The following HEMK2 variants were observed in gnomAD, a reference collection of about 807,000 sequenced individuals.
The protein encoded by HEMK2 is HemK methyltransferase 2, ETF1 glutamine and histone H4 lysine.
chr21:28,703,147 T>C, the HEMK2 span, among the ~76,000 whole-genome samples: 1 of 152,090 alleles, frequency 6.6e-6, no homozygotes, highest in Non-Finnish European at 1.5e-5. Flanking sequence ...CAACAGACAC[T>C]GGAGCCTACC....
the HEMK2 span, among the ~76,000 whole-genome samples, chr21:28,880,949 A>AAAAAAAG: frequency 7.2e-6 from 1 of 139,774 alleles, no homozygotes; most frequent in Non-Finnish European, 1.6e-5. Flanking sequence ...AAAAAAAAAA[A>AAAAAAAG]AAACCGGAAA....
At chr21:28,859,388 G>A in the HEMK2 span, among the ~76,000 whole-genome samples, 3 of 151,908 alleles carry the variant, frequency 2.0e-5, no homozygotes, top group African/African-American at 2.4e-5. Context: ...GTGCTTTGAC[G>A]TTTTCCCTGC....
At chr21:28,717,393 T>A in the HEMK2 span, among the ~76,000 whole-genome samples, 1 of 152,150 alleles carries the variant, frequency 6.6e-6, no homozygotes, top group Non-Finnish European at 1.5e-5. Context: ...TCCTCTAGAT[T>A]TTCTAGTTTG....
At chr21:28,636,834 A>T in the HEMK2 span, among the ~76,000 whole-genome samples, 18 of 152,136 alleles carry the variant, frequency 1.2e-4, no homozygotes, top group African/African-American at 4.3e-4. Flanking sequence ...CGACTCCATC[A>T]CTTTTACCCG....
chr21:28,693,466 A>T, the HEMK2 span, among the ~76,000 whole-genome samples: 1 of 152,280 alleles, frequency 6.6e-6, no homozygotes, highest in South Asian at 2.1e-4. Context: ...CTGGAGGTGA[A>T]AGTTTTCTGC....
At chr21:28,579,828 T>C in the HEMK2 span, among the ~76,000 whole-genome samples, 5,170 of 152,270 alleles carry the variant, frequency 0.034, 288 homozygotes, top group African/African-American at 0.12. Flanking sequence ...TTTGCTTTCC[T>C]ATATATTCAA....
chr21:28,743,065 G>A, the HEMK2 span: 5 of 152,140 alleles, frequency 3.3e-5, no homozygotes, highest in African/African-American at 7.2e-5. Context: ...ATCTGCTCAC[G>A]TTCACACAAA....
chr21:28,627,620 A>G, the HEMK2 span, among the ~76,000 whole-genome samples: 1 of 152,192 alleles, frequency 6.6e-6, no homozygotes, highest in Non-Finnish European at 1.5e-5. Context: ...TTATTCATGT[A>G]CCTTATATGT....
At chr21:28,617,384 G>A in the HEMK2 span, among the ~76,000 whole-genome samples, 1 of 152,210 alleles carries the variant, frequency 6.6e-6, no homozygotes, top group African/African-American at 2.4e-5. Flanking sequence ...CTAAGATTAT[G>A]TTATTTTGTG....
the HEMK2 span, among the ~76,000 whole-genome samples, chr21:28,752,353 A>T: frequency 6.6e-6 from 1 of 152,210 alleles, no homozygotes; most frequent in Admixed American, 6.5e-5. Context: ...CTGTCATTCC[A>T]GTTAGTAGTA....
At chr21:28,684,690 A>G in the HEMK2 span, among the ~76,000 whole-genome samples, 1 of 152,202 alleles carries the variant, frequency 6.6e-6, no homozygotes, top group Non-Finnish European at 1.5e-5. Context: ...CCTGACATCA[A>G]CACGTGAATG....
the HEMK2 span, among the ~76,000 whole-genome samples, chr21:28,882,461 A>C: frequency 6.6e-6 from 1 of 152,336 alleles, no homozygotes; most frequent in South Asian, 2.1e-4. Context: ...CCAAGAGTAG[A>C]AGAATACACA....
chr21:28,851,661 A>G, the HEMK2 span, among the ~76,000 whole-genome samples: 16 of 152,340 alleles, frequency 1.1e-4, no homozygotes, highest in African/African-American at 3.4e-4. Flanking sequence ...TGTCTCACCA[A>G]TAAGTCCAGT....
At chr21:28,588,735 C>A in the HEMK2 span, among the ~76,000 whole-genome samples, 2 of 152,038 alleles carry the variant, frequency 1.3e-5, no homozygotes, top group South Asian at 4.1e-4. Flanking sequence ...CTTTGGGAGG[C>A]CGAGGAGGTC....
chr21:28,841,176 TAA>T, the HEMK2 span, among the ~76,000 whole-genome samples: 10 of 22,256 alleles, frequency 4.5e-4, no homozygotes, highest in African/African-American at 1.3e-3. Flanking sequence ...ATATAATATA[TAA>T]ATATATATTA....
chr21:28,827,130 A>G, the HEMK2 span, among the ~76,000 whole-genome samples: 1 of 152,340 alleles, frequency 6.6e-6, no homozygotes, highest in East Asian at 1.9e-4. Flanking sequence ...ACCCCATGCT[A>G]GGCAGAAAGG....
the HEMK2 span, among the ~76,000 whole-genome samples, chr21:28,876,995 G>GGGAA: frequency 1.4e-5 from 1 of 70,784 alleles, no homozygotes; most frequent in Non-Finnish European, 2.6e-5. Flanking sequence ...GAGGGAGGGA[G>GGGAA]GGAGGGAGGG....
chr21:28,629,553 C>A, the HEMK2 span, among the ~76,000 whole-genome samples: 1 of 152,190 alleles, frequency 6.6e-6, no homozygotes, highest in Non-Finnish European at 1.5e-5. Flanking sequence ...TGGAGCTATG[C>A]AGAGCAGCTA....
chr21:28,810,427 C>T, the HEMK2 span, among the ~76,000 whole-genome samples: 1 of 152,166 alleles, frequency 6.6e-6, no homozygotes, highest in Non-Finnish European at 1.5e-5. Flanking sequence ...TCCGCTAGTA[C>T]CAGAGGGGCT....
Sources: gnomAD v4.1 joint callset for allele counts (sites outside exome capture counted in the v4.1 genomes callset) on GRCh38, gnomAD v4.1.1 for gene constraint, MANE v1.5 for transcripts, NCBI Gene and HGNC (gene_info 2026-07-23, HGNC 2026-07-21) for gene names.